PTGR2: variants seen among roughly 807,000 people sequenced by gnomAD.
PTGR2 encodes the protein prostaglandin reductase 2, also known as 15-oxoprostaglandin 13-reductase.
A neutral mutation model predicts 43.4 loss-of-function variants in PTGR2; 32 were observed. That is an observed-to-expected ratio of 0.74 (90% CI 0.56 to 0.99). PTGR2 has a LOEUF of 0.99. Among genes scored for constraint, PTGR2 ranks in the 50% least tolerant of loss-of-function variants. The pLI, the probability that PTGR2 is intolerant of heterozygous loss-of-function variation, is 0.00. For synonymous variants in PTGR2, 106 were observed against 139.2 expected (o/e 0.76, Z 1.68); for missense variants, 373 against 420.0 (o/e 0.89, Z 0.98).
At chr14:73,858,956 G>C in intron 2 of PTGR2, 57 bp downstream of exon 2, 1 of 1,429,586 alleles carries the variant, frequency 7.0e-7, no homozygotes, top group Non-Finnish European at 9.8e-7. Flanking sequence ...AATGCAAATG[G>C]AGGAATAAAA....
chr14:73,860,560 C>T lies in PTGR2; in HGVS notation c.59C>T (p.Ala20Val). 1 of 1,573,536 alleles carries T rather than the reference C, an allele frequency of 6.4e-7. No individual in the cohort carries two copies. The highest frequency in any genetic ancestry group is 1.2e-5 in the South Asian group (1 of 86,194). The change falls in exon 3 of 10, where the codon GCA becomes GTA. Residue 20 changes from alanine to valine, a missense_variant. By Grantham distance (64) the Ala-to-Val change is moderately conservative. Transcript: ENST00000555661. The part of the protein sequence containing the change: ...SRPGKNGNPV[A>V]ENFRMEEVYL... ...TTAGGAAAAAATGGTAATCCAGTGG[C>T]AGAGAATTTCCGAATGGAAGAAGTC...
intron 4 of PTGR2, among the ~76,000 whole-genome samples, chr14:73,876,728 C>T (rs1435059896): frequency 1.3e-5 from 2 of 152,024 alleles, no homozygotes; most frequent in African/African-American, 2.4e-5. Flanking sequence ...CCGCCTGCCT[C>T]GGTCTCCCAA....
At chr14:73,868,555 T>G (rs1286719567) in intron 3 of PTGR2, among the ~76,000 whole-genome samples, 1 of 152,118 alleles carries the variant, frequency 6.6e-6, no homozygotes, top group Non-Finnish European at 1.5e-5. Context: ...ATTTGAGTCT[T>G]GCCATTCATA....
Position 73,860,617 on chromosome 14 carries a change from T to C in PTGR2, c.116T>C (p.Val39Ala). 6.4e-7 allele frequency: 1 copy of C among 1,560,876 alleles called. No homozygotes were observed. Among genetic ancestry groups the C allele is most frequent in the Non-Finnish European group, 8.8e-7 (1 of 1,136,882 alleles). ...CCAGATAATATTAATGAAGGACAAGTACAAGTTAGAACTCTTTATCTTTCT... is the reference window on the plus strand; with the variant it reads ...CCAGATAATATTAATGAAGGACAAGCACAAGTTAGAACTCTTTATCTTTCT... ...YLPDNINEGQ[V>A]QVRTLYLSVD... The change falls in exon 3 of 10, where the codon GTA becomes GCA. Residue 39 changes from valine (V) to alanine (A), a missense_variant. Transcript: ENST00000555661.
At chr14:73,859,993 C>T (rs1435917217) in intron 2 of PTGR2, among the ~76,000 whole-genome samples, 4 of 151,636 alleles carry the variant, frequency 2.6e-5, no homozygotes, top group Admixed American at 6.6e-5. Flanking sequence ...GGACTACAGG[C>T]GTGCGCCACC....
At chr14:73,854,756 A>C (rs1374844032) in intron 1 of PTGR2, among the ~76,000 whole-genome samples, 1 of 152,184 alleles carries the variant, frequency 6.6e-6, no homozygotes, top group Non-Finnish European at 1.5e-5. Context: ...TATATAATTG[A>C]CACATATGGT....
chr14:73,874,502 CAGA>C (rs2054811011), intron 4 of PTGR2: 1 of 495,324 alleles, frequency 2.0e-6, no homozygotes, highest in Non-Finnish European at 3.9e-6. Context: ...TGGAGCCTCA[CAGA>C]AGAATAGGAG....
intron 1 of PTGR2, among the ~76,000 whole-genome samples, chr14:73,852,967 A>G (rs775510556): frequency 2.6e-5 from 4 of 151,978 alleles, no homozygotes; most frequent in Non-Finnish European, 5.9e-5. Context: ...CTGGGACTAT[A>G]GGCGCCCACC....
In PTGR2 at chr14:73,874,085, C is replaced by T. The variant is rs561985906; in HGVS notation, c.219C>T (p.Val73=). 2.5e-6 allele frequency: 4 copies of T among 1,613,488 alleles called. No homozygotes were observed. The highest frequency in any genetic ancestry group is 2.2e-5 in the East Asian group (1 of 44,860). ...DYITPWQLSQ[V]VDGGGIGIIE... ...TAACACCTTGGCAGCTATCTCAAGTCGTTGATGGAGGAGGTATTGGAATTA... is the reference window on the plus strand; with the variant it reads ...TAACACCTTGGCAGCTATCTCAAGTTGTTGATGGAGGAGGTATTGGAATTA... Residue 73 remains valine, a synonymous_variant, in exon 4 of 10, where the codon GTC becomes GTT. Transcript: ENST00000555661.
chr14:73,880,710 A>G (rs78870464), intron 7 of PTGR2, among the ~76,000 whole-genome samples: 51,919 of 152,064 alleles, frequency 0.34, 10,008 homozygotes, highest in Non-Finnish European at 0.42. Context: ...GCCTGGGTTA[A>G]GTCACATGAG....
At chr14:73,875,004 G>T (rs2054823682) in intron 4 of PTGR2, among the ~76,000 whole-genome samples, 1 of 152,066 alleles carries the variant, frequency 6.6e-6, no homozygotes, top group Non-Finnish European at 1.5e-5. Flanking sequence ...GATTATAGGT[G>T]TGCACCACCA....
intron 3 of PTGR2, among the ~76,000 whole-genome samples, chr14:73,866,695 A>C (rs62003698): frequency 0.31 from 46,421 of 152,060 alleles, 9,026 homozygotes; most frequent in Non-Finnish European, 0.42. Flanking sequence ...TGTTTCTAGA[A>C]GAGATTAGCT....
intron 1 of PTGR2, among the ~76,000 whole-genome samples, chr14:73,856,747 T>C (rs2054356801): frequency 6.6e-6 from 1 of 152,198 alleles, no homozygotes; most frequent in East Asian, 1.9e-4. Context: ...TGTGTAAGTA[T>C]ACTCTGATGT....
At chr14:73,877,261 T>A in intron 5 of PTGR2, 93 bp downstream of exon 5, 1 of 1,174,284 alleles carries the variant, frequency 8.5e-7, no homozygotes, top group Non-Finnish European at 1.2e-6. Flanking sequence ...CCATTAAAAA[T>A]ATAAAATTGG....
chr14:73,871,209 C>G (rs922734238), intron 3 of PTGR2, among the ~76,000 whole-genome samples: 1 of 152,136 alleles, frequency 6.6e-6, no homozygotes, highest in Non-Finnish European at 1.5e-5. Context: ...CCAAAAGGAC[C>G]TGATTGAGGA....
Position 73,860,998 on chromosome 14 carries a change from A to G in PTGR2, c.156+341A>G, listed in dbSNP as rs148318270. 1.6e-3 allele frequency: 258 copies of G among 159,544 alleles called. 1 individual carries two copies. Among genetic ancestry groups the G allele is most frequent in the African/African-American group, 5.8e-3 (244 of 41,712 alleles). 9.9% of individuals were successfully genotyped at this position (159,544 alleles called of 1,614,324 possible). ...GTAAAATAAGATTGCAAATTCTTTCAGATCCACTTTATAAGAGAGGCTATG... is the reference window on the plus strand; with the variant it reads ...GTAAAATAAGATTGCAAATTCTTTCGGATCCACTTTATAAGAGAGGCTATG... On this transcript the variant is annotated intron_variant, in intron 3 of 9. Coordinates refer to ENST00000555661, the MANE Select transcript of PTGR2 (RefSeq NM_001146154.2).
intron 1 of PTGR2, among the ~76,000 whole-genome samples, chr14:73,852,853 T>G (rs1380152416): frequency 6.6e-6 from 1 of 151,668 alleles, no homozygotes; most frequent in Non-Finnish European, 1.5e-5. Flanking sequence ...TGAGACAAAG[T>G]CTCGCTCTGT....
intron 3 of PTGR2, among the ~76,000 whole-genome samples, chr14:73,864,657 T>G (rs568499530): frequency 6.6e-6 from 1 of 152,346 alleles, no homozygotes; most frequent in Admixed American, 6.5e-5. Context: ...TTTTTATTAC[T>G]GAGTTGTAAG....
At chr14:73,876,942 T>G in intron 4 of PTGR2, 56 bp from the exon 5 acceptor site, 13 of 1,355,534 alleles carry the variant, frequency 9.6e-6, no homozygotes, top group Non-Finnish European at 1.2e-5. Flanking sequence ...GTCTCTACTT[T>G]GTTGTCTCAA....
Sources: allele counts gnomAD v4.1 joint callset (sites outside exome capture counted in the v4.1 genomes callset), GRCh38; gene constraint gnomAD v4.1.1; transcripts MANE v1.5; gene names NCBI Gene and HGNC (gene_info 2026-07-23, HGNC 2026-07-21).